SLC37A3: variants seen among roughly 807,000 people sequenced by gnomAD.
The protein encoded by SLC37A3 is solute carrier family 37 member 3.
A neutral mutation model predicts 67.1 loss-of-function variants in SLC37A3; 51 were observed. The observed-to-expected ratio is 0.76, with a 90% CI of 0.61 to 0.96. The LOEUF (loss-of-function observed/expected upper bound fraction) is 0.96. Among genes scored for constraint, SLC37A3 ranks in the 40% least tolerant of loss-of-function variants. SLC37A3 has a pLI of 0.00. For missense variants in SLC37A3, 508 were observed against 603.0 expected (o/e 0.84, Z 1.65); for synonymous variants, 214 against 231.4 (o/e 0.92, Z 0.68).
intron 4 of SLC37A3, among the ~76,000 whole-genome samples, chr7:140,367,820 C>CTT (rs34092614): frequency 2.3e-4 from 30 of 129,998 alleles, no homozygotes; most frequent in African/African-American, 7.0e-4. Context: ...TCCCACCTTC[C>CTT]TTTTTTTTTT....
At chr7:140,349,496 C>G (rs1369238232) in intron 9 of SLC37A3, among the ~76,000 whole-genome samples, 1 of 147,046 alleles carries the variant, frequency 6.8e-6, no homozygotes, top group Non-Finnish European at 1.5e-5. Flanking sequence ...ATATTCAACA[C>G]ATTACTACCA....
intron 5 of SLC37A3, among the ~76,000 whole-genome samples, chr7:140,362,415 AGG>A (rs1797359888): frequency 1.8e-5 from 1 of 56,758 alleles, no homozygotes; most frequent in Non-Finnish European, 3.8e-5. Flanking sequence ...TCCGGGAGGG[AGG>A]TGGGGGGGGG....
At chr7:140,379,670 A>G (rs1391516822) in intron 3 of SLC37A3, among the ~76,000 whole-genome samples, 1 of 151,122 alleles carries the variant, frequency 6.6e-6, no homozygotes, top group Non-Finnish European at 1.5e-5. Flanking sequence ...AGGCGGGTGG[A>G]TTGCTTGAGC....
At position 140,382,489 on chromosome 7, in the gene SLC37A3, A is replaced by G. The variant is rs770446027; in HGVS notation, c.38T>C (p.Leu13Pro). 3 of 1,614,188 alleles carry G rather than the reference A, an allele frequency of 1.9e-6. No homozygotes were observed. The South Asian group carries it at 3.3e-5, about 18-fold the overall frequency. Reference sequence around the variant, plus strand: ...AACATGATGATGGCTGAACTGGGACAGCAGAGACCCTCTTTGAAAAACATT... The same window carrying G: ...AACATGATGATGGCTGAACTGGGACGGCAGAGACCCTCTTTGAAAAACATT... ...WPNVFQRGSL[L>P]SQFSHHHVVV... Residue 13 changes from leucine to proline, a missense_variant, in exon 2 of 15, where the codon CTG (leucine) becomes CCG (proline). Leu to Pro is a moderately conservative substitution (Grantham distance 98). Coordinates refer to ENST00000326232, the MANE Select transcript of SLC37A3 (RefSeq NM_207113.3).
intron 1 of SLC37A3, among the ~76,000 whole-genome samples, chr7:140,385,041 T>C (rs955334276): frequency 7.9e-5 from 12 of 152,218 alleles, no homozygotes; most frequent in African/African-American, 1.9e-4. Context: ...CACATGACAG[T>C]TGTTTTCCTT....
At chr7:140,363,656 T>C (rs1585311787) in intron 5 of SLC37A3, among the ~76,000 whole-genome samples, 1 of 99,248 alleles carries the variant, frequency 1.0e-5, no homozygotes. Context: ...CCCTGCCAAA[T>C]CCCCCTCTGC....
At chr7:140,353,478 G>GA (rs778750469) in intron 7 of SLC37A3, among the ~76,000 whole-genome samples, 44 of 140,214 alleles carry the variant, frequency 3.1e-4, no homozygotes, top group East Asian at 1.2e-3. Context: ...CTCTGTCTTG[G>GA]AAAAAAAAAA....
At chr7:140,339,107 A>G (rs9640226) in intron 13 of SLC37A3, among the ~76,000 whole-genome samples, 94,077 of 151,834 alleles carry the variant, frequency 0.62, 31,556 homozygotes, top group African/African-American at 0.87. Context: ...ACTTCCCTTC[A>G]TTTCTTTTTA....
rs922801222 is a variant in SLC37A3, at chr7:140,388,086, C to T, written c.-70-5490G>A. On this transcript the variant is annotated intron_variant, in intron 1 of 14. Transcript: ENST00000326232. ...ATTTTGTATCCTTTGGCCAACATCT[C>T]CCCAAACCCCCATTAGAATTATTTT... 4.7e-5 allele frequency among the ~76,000 whole-genome samples: 7 copies of T among 148,958 alleles called. 1 individual carries two copies. The South Asian group carries it at 1.1e-3, about 23-fold the overall frequency.
At chr7:140,350,771 T>C (rs573574862) in intron 9 of SLC37A3, among the ~76,000 whole-genome samples, 188 of 152,018 alleles carry the variant, frequency 1.2e-3, no homozygotes, top group Non-Finnish European at 2.0e-3. Context: ...CCCAAAATCA[T>C]AAATAAATAA....
Position 140,335,149 on chromosome 7 carries a change from A to G in SLC37A3, c.*263T>C, listed in dbSNP as rs996997364. On this transcript the variant is annotated 3_prime_UTR_variant, in exon 15 of 15. Coordinates refer to ENST00000326232, the MANE Select transcript of SLC37A3 (RefSeq NM_207113.3). Reference sequence around the variant, plus strand: ...CAAACAAAGACGCGGGCAGAGTCAGAGGTCAAAGATGCTGGCAGAGTCAGA... The same window carrying G: ...CAAACAAAGACGCGGGCAGAGTCAGGGGTCAAAGATGCTGGCAGAGTCAGA... 7.2e-7 allele frequency: 1 copy of G among 1,380,248 alleles called. No individual in the cohort carries two copies. The highest frequency in any genetic ancestry group is 2.2e-5 in the Admixed American group (1 of 45,986). 85.5% of individuals were successfully genotyped at this position (1,380,248 alleles called of 1,614,324 possible).
chr7:140,361,195 G>C (rs2117135849), intron 5 of SLC37A3, among the ~76,000 whole-genome samples: 1 of 88,042 alleles, frequency 1.1e-5, no homozygotes, highest in East Asian at 3.9e-4. Context: ...GAAAGGAGCA[G>C]GATAGGGCCA....
intron 10 of SLC37A3, among the ~76,000 whole-genome samples, chr7:140,348,037 C>A (rs1003483911): frequency 6.6e-6 from 1 of 151,974 alleles, no homozygotes; most frequent in Non-Finnish European, 1.5e-5. Context: ...TTAACAATAA[C>A]GACAAAATAG....
chr7:140,355,822 G>C lies in SLC37A3; in HGVS notation c.522-58C>G, dbSNP rs191714398. On this transcript the variant is annotated intron_variant, in intron 6 of 14. Coordinates refer to ENST00000326232, the MANE Select transcript of SLC37A3 (RefSeq NM_207113.3). Reference sequence around the variant, plus strand: ...ATGGTCAGAAGAGATACTCTGGGCAGTTCAAAATACAAAACAGCCAAAACA... The same window carrying C: ...ATGGTCAGAAGAGATACTCTGGGCACTTCAAAATACAAAACAGCCAAAACA... The C allele has an allele frequency of 3.2e-3, 4,592 of 1,455,784 alleles. 56 individuals are homozygous for C. Among genetic ancestry groups the C allele is most frequent in the South Asian group, 0.021 (1,790 of 86,766 alleles). The allele number at this position is 1,455,784 out of a possible 1,614,324, so 90.2% of individuals were successfully genotyped here.
intron 5 of SLC37A3, among the ~76,000 whole-genome samples, chr7:140,361,062 C>T (rs1040232445): frequency 2.6e-5 from 4 of 152,050 alleles, no homozygotes; most frequent in African/African-American, 9.7e-5. Context: ...AGAAGCGGGA[C>T]TGACATTCTC....
chr7:140,347,908 G>T (rs991559764), intron 10 of SLC37A3, among the ~76,000 whole-genome samples: 10 of 152,214 alleles, frequency 6.6e-5, no homozygotes, highest in Admixed American at 3.3e-4. Flanking sequence ...CAGCAGATAT[G>T]TTCCATGACC....
rs767694548 is a variant in SLC37A3, at chr7:140,351,417, T to C, written c.738A>G (p.Glu246=). Residue 246 remains glutamate (E), a synonymous_variant, in exon 9 of 15, where the codon GAA becomes GAG. Coordinates refer to ENST00000326232, the MANE Select transcript of SLC37A3 (RefSeq NM_207113.3). ...TAATTAATGGCCTGTGTGAGTCTTCTTCAAAGTTTTCTTCTGCCTCAATAC... is the reference window on the plus strand; with the variant it reads ...TAATTAATGGCCTGTGTGAGTCTTCCTCAAAGTTTTCTTCTGCCTCAATAC... The part of the protein sequence containing the change: ...LSGIEAEENF[E]EDSHRPLING... 3 of 1,614,166 alleles carry C rather than the reference T, an allele frequency of 1.9e-6. No homozygotes were observed. The South Asian group carries it at 3.3e-5, about 18-fold the overall frequency.
At chr7:140,354,528 A>G (rs76492431) in intron 7 of SLC37A3, among the ~76,000 whole-genome samples, 2,638 of 151,936 alleles carry the variant, frequency 0.017, 93 homozygotes, top group African/African-American at 0.061. Context: ...TCAGTTCTAT[A>G]TTCTATAGTT....
intron 6 of SLC37A3, among the ~76,000 whole-genome samples, chr7:140,356,186 T>A (rs1797019948): frequency 7.8e-6 from 1 of 127,942 alleles, no homozygotes. Context: ...AAAGCGAGAC[T>A]CCACCTCCCA....
Sources: allele counts gnomAD v4.1 joint callset (sites outside exome capture counted in the v4.1 genomes callset), GRCh38; gene constraint gnomAD v4.1.1; transcripts MANE v1.5; gene names NCBI Gene and HGNC (gene_info 2026-07-23, HGNC 2026-07-21).